Variants in POC1B observed in about 807,000 individuals in gnomAD.
POC1B encodes the protein POC1 centriolar protein B.
In POC1B, 44 loss-of-function variants were observed where a neutral mutation model predicts 60.6. The observed-to-expected ratio is 0.73, with a 90% CI of 0.57 to 0.93. The LOEUF is 0.93. Among genes scored for constraint, POC1B ranks in the 40% least tolerant of loss-of-function variants. The pLI, the probability that POC1B is intolerant of heterozygous loss-of-function variation, is 0.00. For synonymous variants in POC1B, 180 were observed against 198.9 expected (o/e 0.90, Z 0.80); for missense variants, 555 against 572.3 (o/e 0.97, Z 0.31).
chr12:89,502,294 G>A, intron 2 of POC1B: 1 of 1,604,822 alleles, frequency 6.2e-7, no homozygotes, highest in Non-Finnish European at 8.5e-7. Flanking sequence ...TCACAAACTA[G>A]TATTGCCCTC....
intron 4 of POC1B, 73 bp downstream of exon 4, chr12:89,491,863 T>C (rs2135737892): frequency 7.8e-7 from 1 of 1,289,168 alleles, no homozygotes; most frequent in Non-Finnish European, 1.0e-6. Context: ...CAAACCCTTT[T>C]TCTGGAAGTT....
At chr12:89,418,874 C>G (rs1565888617), downstream of POC1B, among the ~76,000 whole-genome samples, 1 of 152,136 alleles carries the variant, frequency 6.6e-6, no homozygotes, top group Non-Finnish European at 1.5e-5. Context: ...AATTATCCAG[C>G]CTCAGGTATT....
intron 2 of POC1B, among the ~76,000 whole-genome samples, chr12:89,513,496 C>T (rs1004924579): frequency 1.3e-5 from 2 of 152,266 alleles, no homozygotes; most frequent in Non-Finnish European, 1.5e-5. Context: ...TAATTTTCAA[C>T]AGAAACTTCT....
chr12:89,492,737 G>A (rs1323498355), intron 3 of POC1B, among the ~76,000 whole-genome samples: 5 of 152,128 alleles, frequency 3.3e-5, no homozygotes, highest in Non-Finnish European at 5.9e-5. Context: ...CAAGCCAGAA[G>A]CCTGGAAGTC....
chr12:89,502,332 G>A, intron 2 of POC1B: 1 of 1,611,990 alleles, frequency 6.2e-7, no homozygotes, highest in Non-Finnish European at 8.5e-7. Flanking sequence ...GCAGGACCAA[G>A]AGAACACGTT....
At chr12:89,422,676 A>G (rs986415752) in intron 11 of POC1B, among the ~76,000 whole-genome samples, 2 of 152,254 alleles carry the variant, frequency 1.3e-5, no homozygotes, top group African/African-American at 4.8e-5. Flanking sequence ...TTTGCAAATG[A>G]TGATATTCTA....
intron 2 of POC1B, chr12:89,502,783 T>A: frequency 7.6e-7 from 1 of 1,320,020 alleles, no homozygotes; most frequent in Non-Finnish European, 1.1e-6. Flanking sequence ...ATATATTGTT[T>A]TTTTATGTTA....
intron 7 of POC1B, among the ~76,000 whole-genome samples, chr12:89,469,140 G>T (rs1042763026): frequency 6.6e-6 from 1 of 152,084 alleles, no homozygotes; most frequent in Non-Finnish European, 1.5e-5. Flanking sequence ...TGGGCGTGGT[G>T]GTGCGCCTGT....
intron 10 of POC1B, among the ~76,000 whole-genome samples, chr12:89,444,987 G>C (rs1881712584): frequency 6.6e-6 from 1 of 152,092 alleles, no homozygotes; most frequent in African/African-American, 2.4e-5. Context: ...GCCAAATCAT[G>C]AGTGAATTCC....
chr12:89,485,926 G>A (rs1204778964), intron 4 of POC1B, among the ~76,000 whole-genome samples: 1 of 152,004 alleles, frequency 6.6e-6, no homozygotes, highest in Non-Finnish European at 1.5e-5. Flanking sequence ...GACCTATCTT[G>A]AACACTCTCC....
chr12:89,523,790 GAC>G (rs1452444465), intron 2 of POC1B: 3 of 1,535,442 alleles, frequency 2.0e-6, no homozygotes, highest in Non-Finnish European at 2.6e-6. Flanking sequence ...TCTATAACAG[GAC>G]ACACAACTGC....
At chr12:89,519,189 A>G (rs1375280425) in intron 2 of POC1B, among the ~76,000 whole-genome samples, 1 of 152,180 alleles carries the variant, frequency 6.6e-6, no homozygotes, top group Non-Finnish European at 1.5e-5. Flanking sequence ...GATCATTTCT[A>G]GTTTGCTCAT....
chr12:89,403,208 A>G, the POC1B span, among the ~76,000 whole-genome samples: 1 of 152,064 alleles, frequency 6.6e-6, no homozygotes, highest in Non-Finnish European at 1.5e-5. Context: ...GGGTTTCACC[A>G]TGTTGGCCAG....
chr12:89,450,258 A>C (rs1051735844), intron 10 of POC1B, among the ~76,000 whole-genome samples: 1 of 151,138 alleles, frequency 6.6e-6, no homozygotes, highest in African/African-American at 2.4e-5. Context: ...CCTGGGCTGG[A>C]GTGCAGTGGC....
At chr12:89,442,706 A>C (rs1395111982) in intron 10 of POC1B, among the ~76,000 whole-genome samples, 1 of 152,228 alleles carries the variant, frequency 6.6e-6, no homozygotes, top group Non-Finnish European at 1.5e-5. Flanking sequence ...CTAATGAGCA[A>C]AATAACCAGC....
At chr12:89,503,605 C>T (rs1869717395) in intron 2 of POC1B, among the ~76,000 whole-genome samples, 1 of 151,950 alleles carries the variant, frequency 6.6e-6, no homozygotes, top group Non-Finnish European at 1.5e-5. Flanking sequence ...AGCGTCTCTG[C>T]CCGGCCGCCC....
At chr12:89,524,357 T>A in intron 2 of POC1B, 15 of 1,614,026 alleles carry the variant, frequency 9.3e-6, no homozygotes, top group Non-Finnish European at 1.2e-5. Context: ...GGGGGCTTCT[T>A]ATAAAGCGGT....
At chr12:89,500,053 T>G in intron 2 of POC1B, 1 of 1,242,488 alleles carries the variant, frequency 8.0e-7, no homozygotes, top group Non-Finnish European at 1.2e-6. Flanking sequence ...TGTGTGGGCT[T>G]CCACCTCAGA....
intron 10 of POC1B, among the ~76,000 whole-genome samples, chr12:89,441,941 G>A (rs561412206): frequency 5.9e-5 from 9 of 152,262 alleles, no homozygotes; most frequent in Admixed American, 1.3e-4. Flanking sequence ...TGAAAACCAC[G>A]GCACGAGAAC....
Sources: allele counts gnomAD v4.1 joint callset (sites outside exome capture counted in the v4.1 genomes callset), GRCh38; gene constraint gnomAD v4.1.1; transcripts MANE v1.5; gene names NCBI Gene and HGNC (gene_info 2026-07-23, HGNC 2026-07-21).